EYS: variants seen among roughly 807,000 people sequenced by gnomAD.
The protein encoded by EYS is EGF-like photoreceptor maintenance factor.
A neutral mutation model predicts 282.1 loss-of-function variants in EYS; 250 were observed. That is an observed-to-expected ratio of 0.89 (90% CI 0.80 to 0.98). The LOEUF is 0.98. EYS is among the 50% of genes least tolerant of loss of function. The pLI is 0.00. For synonymous variants in EYS, 1,355 were observed against 1,282.9 expected, an observed-to-expected ratio of 1.06 and a Z score of -1.20; for missense variants, 4,016 against 3,709.0, an observed-to-expected ratio of 1.08 and a Z score of -2.15.
Position 65,495,160 on chromosome 6 carries a change from A to G in EYS, c.251T>C (p.Leu84Ser). ...AGAAGAAATTACAAGGATATCTCCT[A>G]ATTGAATTTGCAAAGGGCAAATCTG... The part of the protein sequence containing the change: ...VPQICPLQIQ[L>S]GDILVISSEP... The change falls in exon 4 of 43, where the codon TTA becomes TCA. Residue 84 changes from leucine (L) to serine (S), a missense_variant. Leu to Ser is a moderately radical substitution (Grantham distance 145, BLOSUM62 -2). Coordinates refer to ENST00000503581, the MANE Select transcript of EYS (RefSeq NM_001142800.2). The G allele has an allele frequency of 1.9e-6, 3 of 1,614,010 alleles. No homozygotes were observed.
In EYS at chr6:64,378,513, A is replaced by T. The variant is rs1227952358; in HGVS notation, c.6078+10177T>A. 2.6e-5 allele frequency among the ~76,000 whole-genome samples: 4 copies of T among 152,238 alleles called. No individual in the cohort carries two copies. In the South Asian group the frequency reaches 8.3e-4, roughly 32 times the overall value. On this transcript the variant is annotated intron_variant, in intron 29 of 42. Coordinates refer to ENST00000503581, the MANE Select transcript of EYS (RefSeq NM_001142800.2). ...TAGGACTAGAAATAACTTCAAAATTATTGTTTTATGTTTGATTAGCACAGA... is the reference window on the plus strand; with the variant it reads ...TAGGACTAGAAATAACTTCAAAATTTTTGTTTTATGTTTGATTAGCACAGA...
At position 64,855,342 on chromosome 6, in the gene EYS, C is replaced by A. The variant is rs371280018; in HGVS notation, c.2992+31355G>T. On this transcript the variant is annotated intron_variant, in intron 19 of 42. Transcript: ENST00000503581. ...GAACTCCATTCATATTTATGATTGA[C>A]TGTTTTATGTCTTTTCATAGCTCTT... 1.2e-4 allele frequency among the ~76,000 whole-genome samples: 19 copies of A among 152,112 alleles called. No individual in the cohort carries two copies. The East Asian group carries it at 3.7e-3, about 29-fold the overall frequency.
intron 5 of EYS, among the ~76,000 whole-genome samples, chr6:65,475,997 C>T (rs561107106): frequency 6.6e-6 from 1 of 152,092 alleles, no homozygotes; most frequent in Non-Finnish European, 1.5e-5. Flanking sequence ...ACAAGTATAA[C>T]ACCTCTTAAG....
intron 2 of EYS, among the ~76,000 whole-genome samples, chr6:65,520,719 A>G (rs982456288): frequency 2.0e-5 from 3 of 151,958 alleles, no homozygotes. Context: ...CTATTGACTG[A>G]TAATTGTGAG....
At position 64,388,702 on chromosome 6, in the gene EYS, A is replaced by G; in HGVS notation, c.6066T>C (p.His2022=). Residue 2022 remains histidine, a synonymous_variant, in exon 29 of 43, where the codon CAT becomes CAC. Coordinates refer to ENST00000503581, the MANE Select transcript of EYS (RefSeq NM_001142800.2). ...SVFIGGFPDL[H]GKIQMPVPVK... is the part of the protein sequence containing the mutation. The stretch of plus-strand genomic sequence containing the variant: ...TCTATAGAAATACCTGGATTTTCCC[A>G]TGAAGGTCTGGAAATCCACCAATGA... The G allele has an allele frequency of 6.5e-7, 1 of 1,534,054 alleles. No homozygotes were observed. Among genetic ancestry groups the G allele is most frequent in the Admixed American group, 2.1e-5 (1 of 48,570 alleles).
chr6:65,301,560 C>T (rs527393114), intron 11 of EYS, among the ~76,000 whole-genome samples: 16 of 152,296 alleles, frequency 1.1e-4, no homozygotes, highest in Admixed American at 1.0e-3. Context: ...TGGCAGCAAG[C>T]GGGAGTCGGG....
At chr6:65,178,824 C>T (rs759172937) in intron 12 of EYS, among the ~76,000 whole-genome samples, 17 of 152,098 alleles carry the variant, frequency 1.1e-4, no homozygotes, top group Non-Finnish European at 2.5e-4. Context: ...AAGCACTCCT[C>T]AGCAAATGTA....
Position 65,291,205 on chromosome 6 carries a change from T to A in EYS, c.2023+4658A>T, listed in dbSNP as rs533268984. On this transcript the variant is annotated intron_variant, in intron 12 of 42. Coordinates refer to ENST00000503581, the MANE Select transcript of EYS (RefSeq NM_001142800.2). The stretch of plus-strand genomic sequence containing the variant: ...AAAATTTCACATTGTAAGCACTCAA[T>A]CTTTTTTTGCTGCTGCAAGAAGTGA... Among the ~76,000 whole-genome samples, 108 of 151,710 alleles carry A rather than the reference T, an allele frequency of 7.1e-4. 1 individual carries two copies. Among genetic ancestry groups the A allele is most frequent in the African/African-American group, 2.4e-3 (100 of 41,500 alleles).
intron 28 of EYS, among the ~76,000 whole-genome samples, chr6:64,431,002 C>G (rs1774559958): frequency 6.6e-6 from 1 of 152,166 alleles, no homozygotes; most frequent in Non-Finnish European, 1.5e-5. Context: ...GTTACTCTGA[C>G]ACTATCTCTA....
chr6:65,094,586 A>G (rs1774683312), intron 12 of EYS, among the ~76,000 whole-genome samples: 1 of 151,414 alleles, frequency 6.6e-6, no homozygotes, highest in Non-Finnish European at 1.5e-5. Flanking sequence ...AAAATTAAAA[A>G]GAAAAGGTAA....
chr6:64,421,866 T>C (rs1267262424), intron 28 of EYS, among the ~76,000 whole-genome samples: 1 of 143,020 alleles, frequency 7.0e-6, no homozygotes, highest in Non-Finnish European at 1.5e-5. Flanking sequence ...GGGGGGTGTG[T>C]GTGTGTGTGT....
At chr6:65,675,308 A>C (rs1768540797) in intron 1 of EYS, among the ~76,000 whole-genome samples, 1 of 151,860 alleles carries the variant, frequency 6.6e-6, no homozygotes, top group Non-Finnish European at 1.5e-5. Context: ...AAAAAGATAC[A>C]GAGTAGCTAA....
chr6:65,101,255 C>T (rs1385950001), intron 12 of EYS, among the ~76,000 whole-genome samples: 4 of 151,176 alleles, frequency 2.6e-5, no homozygotes, highest in Middle Eastern at 3.4e-3. Flanking sequence ...ATATTGAAAA[C>T]ATTTGAAGTT....
intron 26 of EYS, among the ~76,000 whole-genome samples, chr6:64,454,220 T>C (rs1464081278): frequency 6.6e-6 from 1 of 152,146 alleles, no homozygotes; most frequent in Non-Finnish European, 1.5e-5. Context: ...GTTTCTGGGC[T>C]CATTATCCTA....
At chr6:64,169,509 G>A (rs1270925295) in intron 31 of EYS, among the ~76,000 whole-genome samples, 4 of 150,408 alleles carry the variant, frequency 2.7e-5, no homozygotes, top group Non-Finnish European at 5.9e-5. Flanking sequence ...GATATAGCAA[G>A]CTGGGGCTAG....
chr6:64,452,670 A>G (rs1011745353), intron 26 of EYS, among the ~76,000 whole-genome samples: 1 of 152,176 alleles, frequency 6.6e-6, no homozygotes, highest in African/African-American at 2.4e-5. Context: ...GATACAGACC[A>G]ATGGAACAGA....
intron 26 of EYS, among the ~76,000 whole-genome samples, chr6:64,457,987 A>G (rs1775610005): frequency 6.6e-6 from 1 of 151,962 alleles, no homozygotes; most frequent in South Asian, 2.1e-4. Flanking sequence ...GGCTTATTAC[A>G]TAAAAAAATT....
chr6:63,853,712 C>T (rs943883657), intron 36 of EYS, among the ~76,000 whole-genome samples: 8 of 152,206 alleles, frequency 5.3e-5, no homozygotes, highest in African/African-American at 1.7e-4. Flanking sequence ...CTGGAGGCAT[C>T]ACACTACCTG....
At chr6:65,385,025 G>A (rs914948597) in intron 7 of EYS, among the ~76,000 whole-genome samples, 2 of 151,814 alleles carry the variant, frequency 1.3e-5, no homozygotes, top group African/African-American at 4.8e-5. Flanking sequence ...CCAGTCTACT[G>A]TATTTCATTA....
Sources: allele counts gnomAD v4.1 joint callset (sites outside exome capture counted in the v4.1 genomes callset), GRCh38; gene constraint gnomAD v4.1.1; transcripts MANE v1.5; gene names NCBI Gene and HGNC (gene_info 2026-07-23, HGNC 2026-07-21).